Variants in SIK3 observed in about 807,000 individuals in gnomAD.
SIK3 encodes SIK family kinase 3.
A neutral mutation model predicts 144.2 loss-of-function variants in SIK3; 28 were observed. That is an observed-to-expected ratio of 0.19 (90% CI 0.14 to 0.27). The LOEUF is 0.27. SIK3 is among the 10% of genes least tolerant of loss of function. The pLI, the probability that SIK3 is intolerant of heterozygous loss-of-function variation, is 1.00. For synonymous variants in SIK3, 686 were observed against 676.3 expected (o/e 1.01, Z -0.22); for missense variants, 1,319 against 1,776.0 (o/e 0.74, Z 4.62).
chr11:116,928,363 A>C (rs1947400957), intron 3 of SIK3, among the ~76,000 whole-genome samples: 1 of 152,252 alleles, frequency 6.6e-6, no homozygotes, highest in Admixed American at 6.5e-5. Context: ...AATGTCTAAT[A>C]GTCTCATGAG....
intron 1 of SIK3, among the ~76,000 whole-genome samples, chr11:116,966,907 AG>A (rs1393730530): frequency 1.3e-5 from 2 of 149,300 alleles, no homozygotes; most frequent in Non-Finnish European, 3.0e-5. Context: ...TGGGAGGCTG[AG>A]GCAGGGGAAT....
intron 1 of SIK3, among the ~76,000 whole-genome samples, chr11:116,979,464 C>T (rs1950065137): frequency 6.6e-6 from 1 of 151,914 alleles, no homozygotes; most frequent in South Asian, 2.1e-4. Flanking sequence ...TTAAAGTAAA[C>T]TTTTAATGGA....
chr11:116,897,449 C>A, intron 4 of SIK3, 132 bp from the exon 5 acceptor site: 2 of 753,234 alleles, frequency 2.7e-6, no homozygotes, highest in Non-Finnish European at 2.1e-6. Context: ...CATTTAGAAA[C>A]CACATAGCCA....
In SIK3 at chr11:116,885,615, G is replaced by A. The variant is rs540750801; in HGVS notation, c.866-8573C>T. Among the ~76,000 whole-genome samples the A allele has an allele frequency of 5.9e-5, 9 of 152,206 alleles. No homozygotes were observed. The East Asian group carries it at 1.5e-3, about 26-fold the overall frequency. The stretch of plus-strand genomic sequence containing the variant: ...ACAGTTTAAGAAAATTCTGCCTCCA[G>A]GTCCAATACAGAGTTCCTGCTACTC... On this transcript the variant is annotated intron_variant, in intron 6 of 24. Transcript: ENST00000445177.
At chr11:117,082,578 A>C (rs904342559) in intron 1 of SIK3, among the ~76,000 whole-genome samples, 2 of 152,082 alleles carry the variant, frequency 1.3e-5, no homozygotes, top group Non-Finnish European at 2.9e-5. Context: ...AGATGACGTA[A>C]ATCGATAAAA....
chr11:116,872,256 A>G (rs773986984), intron 13 of SIK3, among the ~76,000 whole-genome samples: 3 of 152,260 alleles, frequency 2.0e-5, no homozygotes, highest in African/African-American at 4.8e-5. Flanking sequence ...CACTGAATTT[A>G]TCAACAAGAA....
chr11:116,968,661 C>T (rs1949650764), intron 1 of SIK3, among the ~76,000 whole-genome samples: 2 of 152,176 alleles, frequency 1.3e-5, no homozygotes, highest in East Asian at 1.9e-4. Context: ...GGATTACAGA[C>T]ATCCTAAATA....
At chr11:117,029,030 TCCCGAGTAGCTGAAATTACAGGCA>T (rs1007489331) in intron 1 of SIK3, among the ~76,000 whole-genome samples, 3 of 151,258 alleles carry the variant, frequency 2.0e-5, no homozygotes, top group African/African-American at 7.3e-5. Flanking sequence ...CGCCTCAGCC[TCCCGAGTAGCTGAAATTACAGGCA>T]CCCGCCACTA....
intron 15 of SIK3, among the ~76,000 whole-genome samples, chr11:116,866,331 G>T (rs986724331): frequency 6.6e-6 from 1 of 151,734 alleles, no homozygotes; most frequent in African/African-American, 2.4e-5. Flanking sequence ...AAGGAGAAAA[G>T]AAGGAATAAA....
intron 3 of SIK3, among the ~76,000 whole-genome samples, chr11:116,940,998 G>A (rs778423578): frequency 1.3e-5 from 2 of 151,948 alleles, no homozygotes; most frequent in Non-Finnish European, 2.9e-5. Flanking sequence ...TTGTTTGTTT[G>A]TTTGTTTGTT....
At position 116,857,901 on chromosome 11, in the gene SIK3, T is replaced by G; in HGVS notation, c.3564A>C (p.Leu1188=). Residue 1188 remains leucine, a synonymous_variant, in exon 21 of 25, where the codon CTA becomes CTC. Coordinates refer to ENST00000445177, the MANE Select transcript of SIK3 (RefSeq NM_001366686.3). The part of the protein sequence containing the change: ...TGGPGDPESL[L]GTVSHAQELG... The stretch of plus-strand genomic sequence containing the variant: ...ATTCTTGGGCATGACTCACAGTTCC[T>G]AGCAAAGATTCAGGGTCCCCAGGTC... The G allele has an allele frequency of 1.9e-6, 3 of 1,614,212 alleles. No homozygotes were observed. Among genetic ancestry groups the G allele is most frequent in the Non-Finnish European group, 2.5e-6 (3 of 1,180,040 alleles).
intron 4 of SIK3, among the ~76,000 whole-genome samples, chr11:116,898,324 A>G (rs1945538619): frequency 6.6e-6 from 1 of 152,172 alleles, no homozygotes; most frequent in South Asian, 2.1e-4. Flanking sequence ...CTATGGCTGC[A>G]TAGTATTCCA....
chr11:117,092,454 G>A (rs2134087264), intron 1 of SIK3, among the ~76,000 whole-genome samples: 1 of 152,188 alleles, frequency 6.6e-6, no homozygotes, highest in Non-Finnish European at 1.5e-5. Context: ...TCTATCTGAG[G>A]CAGCAGCCCC....
At chr11:116,905,007 G>C (rs1480736328) in intron 4 of SIK3, 1 of 167,056 alleles carries the variant, frequency 6.0e-6, no homozygotes, top group African/African-American at 2.4e-5. Context: ...TTTTCACCTT[G>C]TAAGGAAAAG....
chr11:117,065,157 TAATAATAATAATAATAAC>T (rs892415267), intron 1 of SIK3, among the ~76,000 whole-genome samples: 1 of 149,684 alleles, frequency 6.7e-6, no homozygotes, highest in Non-Finnish European at 1.5e-5. Context: ...TCAAAAATAA[TAATAATAATAATAATAAC>T]AATAATAATA....
intron 1 of SIK3, among the ~76,000 whole-genome samples, chr11:117,039,111 G>A (rs1314720304): frequency 1.3e-5 from 2 of 151,832 alleles, no homozygotes; most frequent in East Asian, 1.9e-4. Flanking sequence ...GAATCACCTC[G>A]GCTCTACGTT....
At chr11:116,919,968 GCCTT>G (rs771655632) in intron 4 of SIK3, among the ~76,000 whole-genome samples, 2 of 152,204 alleles carry the variant, frequency 1.3e-5, no homozygotes. Flanking sequence ...CCTTTAACTG[GCCTT>G]CCTATTACCA....
At chr11:116,994,122 T>C (rs1437769483) in intron 1 of SIK3, among the ~76,000 whole-genome samples, 2 of 152,240 alleles carry the variant, frequency 1.3e-5, no homozygotes, top group African/African-American at 2.4e-5. Context: ...TTAGCTAGCC[T>C]CCCTTCTCCA....
chr11:116,936,907 T>C (rs1008934133), intron 3 of SIK3, among the ~76,000 whole-genome samples: 1 of 152,216 alleles, frequency 6.6e-6, no homozygotes, highest in Non-Finnish European at 1.5e-5. Context: ...TGTCTCCTAT[T>C]CTCATCCCCA....
Sources: allele counts gnomAD v4.1 joint callset (sites outside exome capture counted in the v4.1 genomes callset), GRCh38; gene constraint gnomAD v4.1.1; transcripts MANE v1.5; gene names NCBI Gene and HGNC (gene_info 2026-07-23, HGNC 2026-07-21).